SYT9: variants seen among roughly 807,000 people sequenced by gnomAD.
SYT9 encodes the protein synaptotagmin-9.
In SYT9, 22 loss-of-function variants were observed where a neutral mutation model predicts 48.4. That is an observed-to-expected ratio of 0.45 (90% CI 0.32 to 0.65). SYT9 has a LOEUF of 0.65. Ranked by LOEUF, SYT9 falls within the 30% of genes least tolerant of loss-of-function variation. The probability of loss-of-function intolerance (pLI) is 0.03; values close to 1 mark genes in which losing one functional copy is unlikely to be tolerated. For synonymous variants in SYT9, 265 were observed against 245.0 expected (o/e 1.08, Z -0.76); for missense variants, 577 against 622.0 (o/e 0.93, Z 0.77).
chr11:7,457,307 T>G (rs2134154940), intron 6 of SYT9: 1 of 152,338 alleles, frequency 6.6e-6, no homozygotes, highest in South Asian at 2.1e-4. Context: ...TAAATGCTTC[T>G]CGTCTGTGCT....
At chr11:7,341,729 ATGTGTAATCATACTG>A (rs1446031801) in intron 3 of SYT9, among the ~76,000 whole-genome samples, 1 of 152,170 alleles carries the variant, frequency 6.6e-6, no homozygotes, top group Non-Finnish European at 1.5e-5. Flanking sequence ...ATGATTACAT[ATGTGTAATCATACTG>A]TGTGTAATCA....
intron 1 of SYT9, among the ~76,000 whole-genome samples, chr11:7,240,766 T>C (rs1309510735): frequency 6.6e-6 from 1 of 152,224 alleles, no homozygotes; most frequent in Non-Finnish European, 1.5e-5. Context: ...GTTTAAAAGG[T>C]ATACCTCTTC....
Position 7,289,189 on chromosome 11 carries a change from G to A in SYT9, c.146-13850G>A, listed in dbSNP as rs112598426. On this transcript the variant is annotated intron_variant, in intron 1 of 6. Transcript: ENST00000318881. ...GTATTTGTTCAGGAGCTGCCTGAGCGCTCTGGCTCCTGTTCTTCCATATGT... is the reference window on the plus strand; with the variant it reads ...GTATTTGTTCAGGAGCTGCCTGAGCACTCTGGCTCCTGTTCTTCCATATGT... Among the ~76,000 whole-genome samples, 142 of 152,284 alleles carry A rather than the reference G, an allele frequency of 9.3e-4. 1 individual carries two copies. Among genetic ancestry groups the A allele is most frequent in the African/African-American group, 3.2e-3 (133 of 41,558 alleles).
At chr11:7,285,059 C>A (rs915032350) in intron 1 of SYT9, among the ~76,000 whole-genome samples, 1 of 152,120 alleles carries the variant, frequency 6.6e-6, no homozygotes, top group African/African-American at 2.4e-5. Flanking sequence ...TTTACCTGGA[C>A]CATTGGGCTT....
chr11:7,329,947 C>T (rs1054623983), intron 3 of SYT9, among the ~76,000 whole-genome samples: 5 of 151,986 alleles, frequency 3.3e-5, no homozygotes, highest in African/African-American at 1.2e-4. Context: ...TTCCACAGCT[C>T]AAAGAAGATA....
intron 6 of SYT9, among the ~76,000 whole-genome samples, chr11:7,465,235 G>A (rs967007785): frequency 5.9e-5 from 9 of 152,176 alleles, no homozygotes; most frequent in African/African-American, 1.9e-4. Flanking sequence ...AGAGATGTGT[G>A]TGTGTGCCCA....
chr11:7,247,308 A>C (rs1847803454), upstream of SYT9, among the ~76,000 whole-genome samples: 1 of 151,768 alleles, frequency 6.6e-6, no homozygotes, highest in South Asian at 2.1e-4. Context: ...ATGTCTTTGC[A>C]TCCTCACAGC....
In SYT9 at chr11:7,466,907, CA is replaced by C. The variant is rs1450839982; in HGVS notation, c.*110del. 48 of 1,381,302 alleles carry C rather than the reference CA, an allele frequency of 3.5e-5. No individual in the cohort carries two copies. The highest frequency in any genetic ancestry group is 4.7e-5 in the Non-Finnish European group (46 of 982,694). The allele number at this position is 1,381,302 out of a possible 1,614,324, so 85.6% of individuals were successfully genotyped here. A position where few individuals can be genotyped will look rare whatever the true frequency, so the allele number is the denominator to read the frequency against. Reference sequence around the variant, plus strand: ...GCAACATCCAGACGATTTCAGTGACCAAATGCTCAGCTGTAACCACAGCACT... The same window carrying C: ...GCAACATCCAGACGATTTCAGTGACCAATGCTCAGCTGTAACCACAGCACT... On this transcript the variant is annotated 3_prime_UTR_variant, in exon 7 of 7. Transcript: ENST00000318881.
intron 6 of SYT9, among the ~76,000 whole-genome samples, chr11:7,462,543 G>A (rs760902270): frequency 5.9e-5 from 9 of 152,122 alleles, no homozygotes; most frequent in Non-Finnish European, 1.0e-4. Flanking sequence ...AACTGGCAGC[G>A]CGTGATAATT....
At chr11:7,315,305 C>T (rs931378) in intron 3 of SYT9, among the ~76,000 whole-genome samples, 114,006 of 152,134 alleles carry the variant, frequency 0.75, 42,968 homozygotes, top group East Asian at 1. Flanking sequence ...CAAATCCCAA[C>T]TGACAAAATC....
Position 7,269,981 on chromosome 11 carries a change from G to A in SYT9, c.145+17650G>A, listed in dbSNP as rs551999777. On this transcript the variant is annotated intron_variant, in intron 1 of 6. Coordinates refer to ENST00000318881, the MANE Select transcript of SYT9 (RefSeq NM_175733.4). ...ACAACAGCAGGAACATTTTTATTTT[G>A]CAAAGTTCATTATCAGCAAGACAAA... is the stretch of plus-strand genomic sequence containing the variant. Among the ~76,000 whole-genome samples, 4 of 152,052 alleles carry A rather than the reference G, an allele frequency of 2.6e-5. No homozygotes were observed. In the South Asian group the frequency reaches 8.3e-4, roughly 32 times the overall value.
chr11:7,460,121 A>C (rs1848212202), intron 6 of SYT9, among the ~76,000 whole-genome samples: 1 of 152,218 alleles, frequency 6.6e-6, no homozygotes, highest in Non-Finnish European at 1.5e-5. Flanking sequence ...GTAAGGATTA[A>C]TAATATATCT....
intron 6 of SYT9, chr11:7,454,148 C>T: frequency 1.0e-6 from 1 of 985,438 alleles, no homozygotes; most frequent in Non-Finnish European, 1.2e-6. Context: ...TGATTTCCAG[C>T]CCTTGATGAG....
chr11:7,348,677 C>T (rs933405744), intron 3 of SYT9, among the ~76,000 whole-genome samples: 3 of 106,892 alleles, frequency 2.8e-5, no homozygotes, highest in African/African-American at 8.8e-5. Context: ...GTATCAGAGC[C>T]ATCAGACCTC....
intron 1 of SYT9, among the ~76,000 whole-genome samples, chr11:7,253,827 G>T (rs1432393965): frequency 4.6e-5 from 7 of 152,140 alleles, no homozygotes; most frequent in African/African-American, 1.7e-4. Context: ...GTCTTAAGTC[G>T]GGGAAGTTCG....
intron 4 of SYT9, among the ~76,000 whole-genome samples, chr11:7,416,705 T>C (rs1336218351): frequency 1.3e-5 from 2 of 152,204 alleles, no homozygotes; most frequent in South Asian, 4.1e-4. Context: ...TACGATGCCA[T>C]TTTATATAAG....
At chr11:7,349,189 G>A (rs1398398107) in intron 3 of SYT9, among the ~76,000 whole-genome samples, 1 of 148,222 alleles carries the variant, frequency 6.7e-6, no homozygotes, top group Non-Finnish European at 1.5e-5. Flanking sequence ...AGCATTGCCG[G>A]GGACTGGGGG....
At chr11:7,340,845 C>T (rs1240941760) in intron 3 of SYT9, among the ~76,000 whole-genome samples, 1 of 152,212 alleles carries the variant, frequency 6.6e-6, no homozygotes, top group Non-Finnish European at 1.5e-5. Flanking sequence ...GCCAGGAGGC[C>T]ACATCCAGTG....
intron 2 of SYT9, among the ~76,000 whole-genome samples, chr11:7,309,358 T>C (rs1433024741): frequency 1.3e-5 from 2 of 152,132 alleles, no homozygotes; most frequent in Non-Finnish European, 1.5e-5. Context: ...TTTCATTCAC[T>C]GTGCACATTA....
Sources: allele counts gnomAD v4.1 joint callset (sites outside exome capture counted in the v4.1 genomes callset), GRCh38; gene constraint gnomAD v4.1.1; transcripts MANE v1.5; gene names NCBI Gene and HGNC (gene_info 2026-07-23, HGNC 2026-07-21).